The following MAP3K20 variants were observed in gnomAD, a reference collection of about 807,000 sequenced individuals.
MAP3K20 encodes the protein HCCS-4.
MAP3K20 carries 40 observed loss-of-function variants against 85.7 expected under a neutral mutation model. The ratio of observed to expected loss-of-function variants is 0.47; its 90% confidence interval spans 0.36 to 0.61. The LOEUF (loss-of-function observed/expected upper bound fraction) is 0.61, where lower values mean the gene tolerates loss of function less well. Among genes scored for constraint, MAP3K20 ranks in the 20% least tolerant of loss-of-function variants. MAP3K20 has a pLI of 0.00. For synonymous variants in MAP3K20, 325 were observed against 327.7 expected, an observed-to-expected ratio of 0.99 and a Z score of 0.09; for missense variants, 817 against 961.7, an observed-to-expected ratio of 0.85 and a Z score of 1.99.
At chr2:173,236,490 C>T (rs1230320166) in intron 14 of MAP3K20, among the ~76,000 whole-genome samples, 1 of 152,104 alleles carries the variant, frequency 6.6e-6, no homozygotes, top group Admixed American at 6.5e-5. Flanking sequence ...TAGCCTGCAT[C>T]TGTTGGGGGA....
At chr2:173,173,027 T>G (rs1690046046) in intron 3 of MAP3K20, among the ~76,000 whole-genome samples, 1 of 152,074 alleles carries the variant, frequency 6.6e-6, no homozygotes, top group South Asian at 2.1e-4. Context: ...CTTGACCTCA[T>G]GATCCGCCTG....
intron 3 of MAP3K20, among the ~76,000 whole-genome samples, chr2:173,179,756 A>T (rs560639003): frequency 6.6e-6 from 1 of 151,186 alleles, no homozygotes; most frequent in East Asian, 1.9e-4. Flanking sequence ...TACTAAAACT[A>T]ACAAACATGT....
intron 2 of MAP3K20, among the ~76,000 whole-genome samples, chr2:173,135,871 G>T (rs1055343718): frequency 1.3e-5 from 2 of 152,262 alleles, no homozygotes; most frequent in South Asian, 4.1e-4. Flanking sequence ...TATTAACCAT[G>T]TATAATTTTA....
chr2:173,097,053 CAA>C (rs1286255973), intron 2 of MAP3K20, among the ~76,000 whole-genome samples: 3 of 152,196 alleles, frequency 2.0e-5, no homozygotes, highest in Non-Finnish European at 4.4e-5. Context: ...CCCAACATGA[CAA>C]AGAGTTCATC....
At chr2:173,213,990 T>C (rs902614848) in intron 10 of MAP3K20, among the ~76,000 whole-genome samples, 3 of 152,302 alleles carry the variant, frequency 2.0e-5, no homozygotes, top group South Asian at 2.1e-4. Flanking sequence ...AAGAGTGTTT[T>C]AGTAAATTAG....
intron 3 of MAP3K20, among the ~76,000 whole-genome samples, chr2:173,181,578 G>T (rs1366665365): frequency 2.0e-5 from 3 of 152,072 alleles, no homozygotes; most frequent in Non-Finnish European, 4.4e-5. Flanking sequence ...ACATAGACAT[G>T]TACACAAATG....
intron 2 of MAP3K20, among the ~76,000 whole-genome samples, chr2:173,142,443 G>A (rs1184984745): frequency 2.0e-5 from 3 of 151,464 alleles, no homozygotes; most frequent in Admixed American, 2.0e-4. Flanking sequence ...CTGCACTCCA[G>A]CCTGGGCAAC....
intron 10 of MAP3K20, chr2:173,211,735 A>C (rs530359398): frequency 6.6e-6 from 1 of 152,410 alleles, no homozygotes; most frequent in African/African-American, 2.4e-5. Context: ...TAACACGGTG[A>C]AACCCCATCT....
Position 173,209,742 on chromosome 2 carries a change from T to C in MAP3K20, c.758T>C (p.Phe253Ser), listed in dbSNP as rs376675527. The change falls in exon 10 of 20, where the codon TTC becomes TCC. Residue 253 changes from phenylalanine (F) to serine (S), a missense_variant. Physicochemically the swap from Phe to Ser is radical, Grantham distance 155. Transcript: ENST00000375213. Reference sequence around the variant, plus strand: ...TCTCTTCTTCAGAAACGGCCATCATTCAAGCAAATCATTTCAATCCTGGAG... The same window carrying C: ...TCTCTTCTTCAGAAACGGCCATCATCCAAGCAAATCATTTCAATCCTGGAG... ...WEADAKKRPS[F>S]KQIISILESM... The C allele has an allele frequency of 3.2e-4, 511 of 1,606,616 alleles. 3 individuals are homozygous for C. The South Asian group carries it at 4.2e-3, about 13-fold the overall frequency.
In MAP3K20 at chr2:173,120,465, C is replaced by A. The variant is rs548670713; in HGVS notation, c.159+29275C>A. Among the ~76,000 whole-genome samples the A allele has an allele frequency of 1.0e-3, 152 of 151,804 alleles. 1 individual carries two copies. The highest frequency in any genetic ancestry group is 3.4e-3 in the African/African-American group (142 of 41,412). On this transcript the variant is annotated intron_variant, in intron 2 of 19. Coordinates refer to ENST00000375213, the MANE Select transcript of MAP3K20 (RefSeq NM_016653.3). ...CCCTTGGTAATTGGGATTAATCACT[C>A]CAGTCAGTAGAGTATCCTCTTTTTC...
At chr2:173,076,310 G>T (rs934845049) in intron 1 of MAP3K20, among the ~76,000 whole-genome samples, 2 of 152,180 alleles carry the variant, frequency 1.3e-5, no homozygotes, top group Admixed American at 1.3e-4. Context: ...GTTGGCGCCT[G>T]GAGGCGCGGG....
At chr2:173,246,467 A>G (rs891363532) in intron 16 of MAP3K20, among the ~76,000 whole-genome samples, 2 of 152,152 alleles carry the variant, frequency 1.3e-5, no homozygotes, top group Non-Finnish European at 2.9e-5. Context: ...ACCCCTTTTT[A>G]TTAAAATATT....
Position 173,206,139 on chromosome 2 carries a change from T to G in MAP3K20, c.744+2269T>G, listed in dbSNP as rs147821255. ...ATTGAATTTGATTATTGCAGCTAGA[T>G]CTCTATAATTGTGATTAGATTTCAG... On this transcript the variant is annotated intron_variant, in intron 9 of 19. Transcript: ENST00000375213. 1.2e-3 allele frequency among the ~76,000 whole-genome samples: 189 copies of G among 152,322 alleles called. 2 individuals are homozygous for G. Among genetic ancestry groups the G allele is most frequent in the African/African-American group, 4.4e-3 (182 of 41,582 alleles).
chr2:173,102,780 C>T (rs1229943014), intron 2 of MAP3K20, among the ~76,000 whole-genome samples: 7 of 152,150 alleles, frequency 4.6e-5, no homozygotes, highest in Non-Finnish European at 1.0e-4. Context: ...TTCCATTAGT[C>T]GGAAACTGAA....
chr2:173,266,537 C>T lies in MAP3K20; in HGVS notation c.2190C>T (p.Phe730=). Residue 730 remains phenylalanine (F), a synonymous_variant, in exon 20 of 20, where the codon TTC becomes TTT. Coordinates refer to ENST00000375213, the MANE Select transcript of MAP3K20 (RefSeq NM_016653.3). ...SALNPHQSPD[F]KRSPRDLHQP... ...TCAATCCTCACCAGTCGCCTGACTT[C>T]AAGAGAAGCCCCAGGGACCTCCACC... 1.2e-6 allele frequency: 2 copies of T among 1,613,854 alleles called. No homozygotes were observed. The highest frequency in any genetic ancestry group is 1.7e-6 in the Non-Finnish European group (2 of 1,179,928).
intron 16 of MAP3K20, among the ~76,000 whole-genome samples, chr2:173,254,413 AAC>A (rs1685113228): frequency 6.7e-6 from 1 of 149,592 alleles, no homozygotes; most frequent in African/African-American, 2.5e-5. Flanking sequence ...CAGCCTGGGC[AAC>A]AGAGTGAGAC....
intron 2 of MAP3K20, among the ~76,000 whole-genome samples, chr2:173,104,461 G>A (rs973448303): frequency 6.6e-6 from 1 of 152,124 alleles, no homozygotes. Flanking sequence ...ATAAGGAAAT[G>A]TGATGAATAT....
Position 173,266,263 on chromosome 2 carries a change from C to G in MAP3K20, c.1916C>G (p.Thr639Ser). The change falls in exon 20 of 20, where the codon ACT becomes AGT. Residue 639 changes from threonine (T) to serine (S), a missense_variant. By Grantham distance (58) the Thr-to-Ser change is moderately conservative. Transcript: ENST00000375213. ...AACCAGTCCAGAAGCTCGTCTCCTA[C>G]TCAGTATGGACTGACCAAAAACTTC... ...PVNQSRSSSP[T>S]QYGLTKNFSS... 6.2e-7 allele frequency: 1 copy of G among 1,614,138 alleles called. No individual in the cohort carries two copies. The highest frequency in any genetic ancestry group is 1.1e-5 in the South Asian group (1 of 91,080).
At chr2:173,231,054 T>C (rs544696906) in intron 12 of MAP3K20, among the ~76,000 whole-genome samples, 20 of 152,292 alleles carry the variant, frequency 1.3e-4, no homozygotes, top group African/African-American at 4.6e-4. Context: ...TCCAGGTCTA[T>C]TTAACAAGCT....
Sources: allele counts gnomAD v4.1 joint callset (sites outside exome capture counted in the v4.1 genomes callset), GRCh38; gene constraint gnomAD v4.1.1; transcripts MANE v1.5; gene names NCBI Gene and HGNC (gene_info 2026-07-23, HGNC 2026-07-21).